The following NUGGC variants were observed in gnomAD, a reference collection of about 807,000 sequenced individuals.
The protein encoded by NUGGC is nuclear GTPase, germinal center associated, also known as nuclear GTPase SLIP-GC.
A neutral mutation model predicts 92.6 loss-of-function variants in NUGGC; 58 were observed. The ratio of observed to expected loss-of-function variants is 0.63; its 90% confidence interval spans 0.51 to 0.78. The LOEUF is 0.78. Ranked by LOEUF, NUGGC falls within the 30% of genes least tolerant of loss-of-function variation. NUGGC has a pLI of 0.00. For missense variants in NUGGC, 925 were observed against 964.6 expected (o/e 0.96, Z 0.54); for synonymous variants, 376 against 366.4 (o/e 1.03, Z -0.30).
At chr8:28,076,030 C>A (rs1309979455) in intron 1 of NUGGC, among the ~76,000 whole-genome samples, 1 of 152,164 alleles carries the variant, frequency 6.6e-6, no homozygotes, top group Non-Finnish European at 1.5e-5. Context: ...CTCTGTGAAA[C>A]GGTGTCTGAT....
At chr8:28,045,709 G>T in intron 11 of NUGGC, 49 bp from the exon 12 acceptor site, 1 of 1,581,586 alleles carries the variant, frequency 6.3e-7, no homozygotes, top group Non-Finnish European at 8.6e-7. Context: ...AGAAGTTTGT[G>T]GTCAATAGAA....
chr8:28,075,953 G>A (rs1810711277), intron 1 of NUGGC, among the ~76,000 whole-genome samples: 1 of 152,114 alleles, frequency 6.6e-6, no homozygotes, highest in African/African-American at 2.4e-5. Flanking sequence ...AGCACATGTG[G>A]GGTGCCCTTC....
chr8:28,024,676 C>T (rs919979344), intron 18 of NUGGC, among the ~76,000 whole-genome samples: 1 of 152,148 alleles, frequency 6.6e-6, no homozygotes, highest in African/African-American at 2.4e-5. Context: ...TTAGTTGGCC[C>T]TGAGCCTGGC....
chr8:28,067,655 A>T lies in NUGGC; in HGVS notation c.570T>A (p.Asp190Glu). Residue 190 changes from aspartate to glutamate, a missense_variant, in exon 6 of 19, where the codon GAT (aspartate) becomes GAA (glutamate). By Grantham distance (45) the Asp-to-Glu change is conservative. Transcript: ENST00000413272. ...TCCAGGTGGCTTCCTCCACTGCCTC[A>T]TCCCTGTTCCACGCATCTGCCTCTT... is the stretch of plus-strand genomic sequence containing the variant. ...SREEADAWNR[D>E]EAVEEATWKL... 1 of 1,613,962 alleles carries T rather than the reference A, an allele frequency of 6.2e-7. No homozygotes were observed. The highest frequency in any genetic ancestry group is 1.7e-5 in the Admixed American group (1 of 60,024).
At chr8:28,082,612 A>T (rs550577588) in intron 1 of NUGGC, among the ~76,000 whole-genome samples, 4 of 152,204 alleles carry the variant, frequency 2.6e-5, no homozygotes, top group Non-Finnish European at 5.9e-5. Context: ...CTTAAAATTC[A>T]CTTAAACAGC....
chr8:28,063,173 T>C (rs1464335869), intron 7 of NUGGC, among the ~76,000 whole-genome samples: 2 of 150,746 alleles, frequency 1.3e-5, no homozygotes, highest in African/African-American at 4.9e-5. Context: ...CAGAGGGGGG[T>C]CTTGAGTAAC....
At chr8:28,069,705 T>C (rs749896605) in intron 3 of NUGGC, 53 bp from the exon 4 acceptor site, 3 of 973,624 alleles carry the variant, frequency 3.1e-6, no homozygotes, top group Non-Finnish European at 5.0e-6. Flanking sequence ...GATAAAGTAC[T>C]AGGTCTCCAA....
intron 18 of NUGGC, 104 bp from the exon 19 acceptor site, chr8:28,023,566 G>T: frequency 8.7e-7 from 1 of 1,144,862 alleles, no homozygotes; most frequent in Non-Finnish European, 1.2e-6. Context: ...CAGAATATGA[G>T]ATCTGGAGTG....
intron 17 of NUGGC, 103 bp downstream of exon 17, chr8:28,029,163 T>G: frequency 8.3e-7 from 1 of 1,198,410 alleles, no homozygotes; most frequent in Non-Finnish European, 1.2e-6. Context: ...ATCTGTTCCA[T>G]TTGGACCCAA....
At chr8:28,077,051 A>G (rs1248117216) in intron 1 of NUGGC, among the ~76,000 whole-genome samples, 1 of 152,198 alleles carries the variant, frequency 6.6e-6, no homozygotes, top group African/African-American at 2.4e-5. Flanking sequence ...CCTTCTTCAA[A>G]TCCCAAGATT....
chr8:28,065,841 G>A (rs1810426850), intron 6 of NUGGC, among the ~76,000 whole-genome samples: 1 of 152,178 alleles, frequency 6.6e-6, no homozygotes, highest in Non-Finnish European at 1.5e-5. Context: ...GATAAACCAC[G>A]ACGGAGGAGA....
chr8:28,055,973 T>C lies in NUGGC; in HGVS notation c.1198A>G (p.Lys400Glu). The C allele has an allele frequency of 6.5e-7, 1 of 1,528,234 alleles. No homozygotes were observed. The allele number at this position is 1,528,234 out of a possible 1,614,324, so 94.7% of individuals were successfully genotyped here. Residue 400 changes from lysine (K) to glutamate (E), a missense_variant, in exon 10 of 19, where the codon AAA becomes GAA. Transcript: ENST00000413272. ...KLQRTRILKE[K>E]LKRKLPADFK... is the part of the protein sequence containing the mutation. ...GAAACCTATTAACTCACCTTCAGTT[T>C]TTCCTTGAGAATTCTAGTCCTTTGT...
chr8:28,023,333 G>A lies in NUGGC; in HGVS notation c.2375C>T (p.Pro792Leu), dbSNP rs750907742. The change falls in exon 19 of 19, where the codon CCC becomes CTC. Residue 792 changes from proline (P) to leucine (L), a missense_variant. Pro to Leu is a moderately conservative substitution (Grantham distance 98, BLOSUM62 -3). Transcript: ENST00000413272. Reference protein sequence around the residue: ...LRASPSKAGPPGTSL With the variant: ...LRASPSKAGPLGTSL ...CCCCAGGAGTTACAGTGATGTCCCGGGGGGGCCAGCCTTGCTGGGGGATGC... is the reference window on the plus strand; with the variant it reads ...CCCCAGGAGTTACAGTGATGTCCCGAGGGGGCCAGCCTTGCTGGGGGATGC... The A allele has an allele frequency of 2.1e-5, 34 of 1,613,462 alleles. No individual in the cohort carries two copies. Among genetic ancestry groups the A allele is most frequent in the Admixed American group, 2.0e-4 (12 of 59,966 alleles).
chr8:28,040,974 T>A, intron 13 of NUGGC, 77 bp downstream of exon 13: 1 of 1,383,394 alleles, frequency 7.2e-7, no homozygotes, highest in Non-Finnish European at 1.0e-6. Context: ...TTGAAGGGAA[T>A]GGGATGATGC....
rs553543497 is a variant in NUGGC, at chr8:28,059,890, C to T, written c.1097+536G>A. ...ACAAAAATTAGCTGGGTGGACCGGCCGGCGCCTGTAATCCCAGCCACTCGG... is the reference window on the plus strand; with the variant it reads ...ACAAAAATTAGCTGGGTGGACCGGCTGGCGCCTGTAATCCCAGCCACTCGG... On this transcript the variant is annotated intron_variant, in intron 8 of 18. Transcript: ENST00000413272. Among the ~76,000 whole-genome samples, 11 of 152,060 alleles carry T rather than the reference C, an allele frequency of 7.2e-5. No homozygotes were observed. In the East Asian group the frequency reaches 1.2e-3, roughly 16 times the overall value.
intron 18 of NUGGC, among the ~76,000 whole-genome samples, chr8:28,025,452 A>G (rs2130055837): frequency 6.6e-6 from 1 of 152,322 alleles, no homozygotes; most frequent in East Asian, 1.9e-4. Context: ...GTGGTTATTC[A>G]GGGCTGGGAT....
At position 28,064,701 on chromosome 8, in the gene NUGGC, A is replaced by G; in HGVS notation, c.742T>C (p.Tyr248His). 6.2e-7 allele frequency: 1 copy of G among 1,613,994 alleles called. No individual in the cohort carries two copies. Among genetic ancestry groups the G allele is most frequent in the Non-Finnish European group, 8.5e-7 (1 of 1,179,878 alleles). ...AEELSIKLDP[Y>H]IRTQRRDWDG... ...CAATCTCTCCTCTGTGTGCGGATGT[A>G]GGGGTCCAGCTTGATGGACAGCTCT... The change falls in exon 7 of 19, where the codon TAC (tyrosine) becomes CAC (histidine). Residue 248 changes from tyrosine to histidine, a missense_variant. Transcript: ENST00000413272.
intron 18 of NUGGC, 148 bp from the exon 19 acceptor site, chr8:28,023,610 C>T (rs1020020074): frequency 3.8e-6 from 3 of 793,602 alleles, no homozygotes. Context: ...GCAGGTGTTC[C>T]TCCTCTTACC....
intron 15 of NUGGC, among the ~76,000 whole-genome samples, chr8:28,030,712 G>A (rs763763612): frequency 4.6e-5 from 7 of 152,106 alleles, no homozygotes; most frequent in Non-Finnish European, 8.8e-5. Context: ...TCTCTGGGGG[G>A]CAGAGGAGAT....
Sources: gnomAD v4.1 joint callset for allele counts (sites outside exome capture counted in the v4.1 genomes callset) on GRCh38, gnomAD v4.1.1 for gene constraint, MANE v1.5 for transcripts, NCBI Gene and HGNC (gene_info 2026-07-23, HGNC 2026-07-21) for gene names.